Variants in CDH8 observed in about 807,000 individuals in gnomAD.
CDH8 encodes cadherin-8.
Under a neutral mutation model 68.1 loss-of-function variants are expected in CDH8, and 17 were observed. The observed-to-expected ratio is 0.25, with a 90% confidence interval of 0.17 to 0.37. CDH8 has a LOEUF of 0.37. Ranked by LOEUF, CDH8 falls within the 10% of genes least tolerant of loss-of-function variation. CDH8 has a pLI of 1.00. For missense variants in CDH8, 763 were observed against 999.3 expected, an observed-to-expected ratio of 0.76 and a Z score of 3.19; for synonymous variants, 372 against 365.1, an observed-to-expected ratio of 1.02 and a Z score of -0.21.
At chr16:61,726,911 G>C in intron 9 of CDH8, 183 bp downstream of exon 9, 1 of 624,712 alleles carries the variant, frequency 1.6e-6, no homozygotes, top group African/African-American at 1.9e-5. Context: ...TTGGTCATAA[G>C]TAGGAAGAGA....
chr16:61,899,115 C>T (rs1286285322), intron 3 of CDH8, among the ~76,000 whole-genome samples: 2 of 152,168 alleles, frequency 1.3e-5, no homozygotes, highest in African/African-American at 4.8e-5. Context: ...TATCCTAACG[C>T]TATCCCTCCT....
At chr16:61,987,212 T>C (rs1446457118) in intron 2 of CDH8, among the ~76,000 whole-genome samples, 1 of 152,132 alleles carries the variant, frequency 6.6e-6, no homozygotes, top group Non-Finnish European at 1.5e-5. Flanking sequence ...GTCTTTAAAA[T>C]AATCCTTAGA....
chr16:61,869,672 T>G (rs901675893), intron 3 of CDH8, among the ~76,000 whole-genome samples: 1 of 152,182 alleles, frequency 6.6e-6, no homozygotes, highest in Non-Finnish European at 1.5e-5. Context: ...TTTTAAAATT[T>G]CTTTAAATTT....
At chr16:61,714,942 G>GA (rs10712327) in intron 9 of CDH8, among the ~76,000 whole-genome samples, 31 of 150,496 alleles carry the variant, frequency 2.1e-4, no homozygotes, top group Non-Finnish European at 7.4e-5. Context: ...TTATTAAAGA[G>GA]AAAAAAAAAT....
At chr16:61,792,075 G>A (rs1430682745) in intron 7 of CDH8, among the ~76,000 whole-genome samples, 1 of 151,932 alleles carries the variant, frequency 6.6e-6, no homozygotes, top group Admixed American at 6.6e-5. Context: ...TATTTAGAAA[G>A]TAGTGAAGAA....
intron 11 of CDH8, among the ~76,000 whole-genome samples, chr16:61,654,391 A>G (rs1333532242): frequency 2.0e-5 from 3 of 152,192 alleles, no homozygotes; most frequent in Non-Finnish European, 4.4e-5. Flanking sequence ...TATGATCATT[A>G]GAGTGAGTGG....
intron 8 of CDH8, among the ~76,000 whole-genome samples, chr16:61,774,801 A>G (rs181947758): frequency 6.6e-6 from 1 of 152,256 alleles, no homozygotes; most frequent in East Asian, 1.9e-4. Flanking sequence ...CAAAAGCTCA[A>G]CCAAATACGT....
intron 1 of CDH8, among the ~76,000 whole-genome samples, chr16:62,024,132 C>T (rs1239815104): frequency 6.6e-6 from 1 of 152,062 alleles, no homozygotes; most frequent in Non-Finnish European, 1.5e-5. Context: ...AGCCACTGTA[C>T]CTGGTTGGCC....
chr16:61,903,449 G>C (rs1432543077), intron 2 of CDH8, among the ~76,000 whole-genome samples: 1 of 152,154 alleles, frequency 6.6e-6, no homozygotes, highest in Non-Finnish European at 1.5e-5. Flanking sequence ...TCAGCCGCCC[G>C]AGTAGCTGGG....
chr16:61,698,573 G>A (rs1964368665), intron 10 of CDH8, among the ~76,000 whole-genome samples: 1 of 152,142 alleles, frequency 6.6e-6, no homozygotes, highest in South Asian at 2.1e-4. Context: ...ACAAACAAAT[G>A]TATTCCATAT....
chr16:61,852,810 A>T (rs184750997), intron 4 of CDH8, among the ~76,000 whole-genome samples: 161 of 151,234 alleles, frequency 1.1e-3, no homozygotes, highest in African/African-American at 3.7e-3. Context: ...TCTTTTGCAC[A>T]TCCCTCCCGG....
intron 10 of CDH8, among the ~76,000 whole-genome samples, chr16:61,695,674 A>T (rs1344851686): frequency 6.6e-6 from 1 of 152,162 alleles, no homozygotes; most frequent in African/African-American, 2.4e-5. Context: ...GAACCCACTG[A>T]TGTGATTTGG....
At chr16:61,779,472 T>C (rs975718692) in intron 8 of CDH8, among the ~76,000 whole-genome samples, 1 of 121,046 alleles carries the variant, frequency 8.3e-6, no homozygotes, top group African/African-American at 2.9e-5. Context: ...TGTGCGCGCA[T>C]GGTGAGGGAA....
rs372648256 is a variant in CDH8, at chr16:61,817,588, C to T, written c.1168G>A (p.Val390Ile). 8.1e-6 allele frequency: 13 copies of T among 1,613,814 alleles called. No homozygotes were observed. The highest frequency in any genetic ancestry group is 1.1e-5 in the Non-Finnish European group (13 of 1,179,962). ...AGTAGGTAAGTCGGTGAAGAGAAGA[C>T]CGGAGGCTCATCAGCATCTTCAACC... ...IVVEDADEPPVFSSPTYLLEV... is the reference protein window; with the variant it reads ...IVVEDADEPPIFSSPTYLLEV... The change falls in exon 7 of 12, where the codon GTC becomes ATC. Residue 390 changes from valine (V) to isoleucine (I), a missense_variant. Val to Ile is a conservative substitution (Grantham distance 29, BLOSUM62 3). Transcript: ENST00000577390.
intron 2 of CDH8, chr16:61,940,736 G>A (rs1344996507): frequency 3.3e-5 from 5 of 152,186 alleles, no homozygotes; most frequent in Non-Finnish European, 5.9e-5. Context: ...TTGGAAGAGA[G>A]GCTGCTGGAA....
At chr16:61,800,542 C>A (rs888682923) in intron 7 of CDH8, among the ~76,000 whole-genome samples, 1 of 152,114 alleles carries the variant, frequency 6.6e-6, no homozygotes, top group East Asian at 1.9e-4. Flanking sequence ...TCCATGACTT[C>A]GACCCATTAA....
At chr16:61,907,430 A>T (rs1199920776) in intron 2 of CDH8, among the ~76,000 whole-genome samples, 1 of 151,942 alleles carries the variant, frequency 6.6e-6, no homozygotes, top group Non-Finnish European at 1.5e-5. Flanking sequence ...TGTAATCCCA[A>T]CACTTAGAGA....
chr16:61,871,815 C>CAAAAAAAAAAAAAA (rs144379377), intron 3 of CDH8, among the ~76,000 whole-genome samples: 3 of 43,344 alleles, frequency 6.9e-5, no homozygotes, highest in East Asian at 6.9e-4. Flanking sequence ...GTTCTATATG[C>CAAAAAAAAAAAAAA]AAAAAAAAAA....
At chr16:61,729,493 G>C (rs1959475428) in intron 8 of CDH8, among the ~76,000 whole-genome samples, 1 of 151,284 alleles carries the variant, frequency 6.6e-6, no homozygotes, top group East Asian at 1.9e-4. Flanking sequence ...CTCTCCCTAT[G>C]AAACTGTGCA....
Sources: gnomAD v4.1 joint callset for allele counts (sites outside exome capture counted in the v4.1 genomes callset) on GRCh38, gnomAD v4.1.1 for gene constraint, MANE v1.5 for transcripts, NCBI Gene and HGNC (gene_info 2026-07-23, HGNC 2026-07-21) for gene names.